Variants in CD247 observed in about 807,000 individuals in gnomAD.
CD247 encodes the protein T-cell surface glycoprotein CD3 zeta chain.
CD247 carries 13 observed loss-of-function variants against 30.0 expected under a neutral mutation model. The ratio of observed to expected loss-of-function variants is 0.43; its 90% confidence interval spans 0.28 to 0.69. CD247 has a LOEUF of 0.69. CD247 is among the 30% of genes least tolerant of loss of function. CD247 has a pLI of 0.16. For synonymous variants in CD247, 72 were observed against 80.0 expected (o/e 0.90, Z 0.53); for missense variants, 193 against 212.6 (o/e 0.91, Z 0.57).
chr1:167,450,922 AAAAAAGAAAAG>A (rs1208741630), intron 1 of CD247, among the ~76,000 whole-genome samples: 3 of 151,946 alleles, frequency 2.0e-5, no homozygotes, highest in South Asian at 2.1e-4. Context: ...AAAAAAAAAA[AAAAAAGAAAAG>A]AAAAGAAAAG....
intron 1 of CD247, among the ~76,000 whole-genome samples, chr1:167,490,601 C>A (rs1654406357): frequency 6.6e-6 from 1 of 151,294 alleles, no homozygotes; most frequent in African/African-American, 2.4e-5. Flanking sequence ...CCAGCCTGGG[C>A]AACAAGAGCG....
intron 1 of CD247, among the ~76,000 whole-genome samples, chr1:167,484,546 G>A (rs533272519): frequency 9.2e-5 from 14 of 152,358 alleles, no homozygotes; most frequent in African/African-American, 3.4e-4. Flanking sequence ...GGAGGCCAAG[G>A]CGGGCGGATC....
At chr1:167,498,106 G>C (rs1654770541) in intron 1 of CD247, among the ~76,000 whole-genome samples, 2 of 152,158 alleles carry the variant, frequency 1.3e-5, no homozygotes, top group African/African-American at 2.4e-5. Context: ...GTCCTGTTCT[G>C]TTGTGTCTCC....
chr1:167,483,466 T>C (rs937522518), intron 1 of CD247, among the ~76,000 whole-genome samples: 3 of 152,184 alleles, frequency 2.0e-5, no homozygotes, highest in African/African-American at 4.8e-5. Flanking sequence ...TGATATTTTG[T>C]TAAAAATTCA....
At chr1:167,514,137 T>C (rs1655502681) in intron 1 of CD247, among the ~76,000 whole-genome samples, 1 of 151,610 alleles carries the variant, frequency 6.6e-6, no homozygotes, top group African/African-American at 2.4e-5. Context: ...TATTTTATTT[T>C]ATTTTATTTA....
At chr1:167,470,964 T>A (rs1259427863) in intron 1 of CD247, among the ~76,000 whole-genome samples, 2 of 150,702 alleles carry the variant, frequency 1.3e-5, no homozygotes, top group African/African-American at 4.9e-5. Context: ...CTCCACCTCC[T>A]GGGTTCAAGC....
At chr1:167,434,630 G>T (rs563975640) in intron 5 of CD247, 5 of 379,732 alleles carry the variant, frequency 1.3e-5, no homozygotes, top group African/African-American at 6.3e-5. Flanking sequence ...GAAGACTTCA[G>T]CACCCAGGAC....
At chr1:167,474,369 G>A (rs1330048035) in intron 1 of CD247, among the ~76,000 whole-genome samples, 4 of 152,132 alleles carry the variant, frequency 2.6e-5, no homozygotes, top group African/African-American at 7.2e-5. Context: ...GGAGGGTAGC[G>A]GTAGTGGGGT....
chr1:167,513,628 T>C (rs1170249118), intron 1 of CD247, among the ~76,000 whole-genome samples: 1 of 152,236 alleles, frequency 6.6e-6, no homozygotes, highest in African/African-American at 2.4e-5. Context: ...AGTCTTTTGC[T>C]ACCTGATGCC....
At chr1:167,442,918 C>T (rs1265004184) in intron 1 of CD247, among the ~76,000 whole-genome samples, 6 of 152,184 alleles carry the variant, frequency 3.9e-5, no homozygotes, top group African/African-American at 1.4e-4. Flanking sequence ...ATAACCAGTC[C>T]AGGCCTGAAA....
chr1:167,453,295 T>A (rs545238294), intron 1 of CD247, among the ~76,000 whole-genome samples: 2 of 152,224 alleles, frequency 1.3e-5, no homozygotes, highest in Admixed American at 1.3e-4. Context: ...AGACTGAAGG[T>A]CAGGGAGGTG....
chr1:167,448,415 A>G (rs1652191340), intron 1 of CD247: 1 of 985,262 alleles, frequency 1.0e-6, no homozygotes, highest in African/African-American at 1.7e-5. Flanking sequence ...TTCTCCCAGG[A>G]TCGAACCATT....
At chr1:167,449,543 C>G (rs930404744) in intron 1 of CD247, among the ~76,000 whole-genome samples, 1 of 152,130 alleles carries the variant, frequency 6.6e-6, no homozygotes, top group Non-Finnish European at 1.5e-5. Context: ...GCCCATAATA[C>G]CACTTTCAAA....
rs538796777 is a variant in CD247 at position 167,491,234 on chromosome 1, C to A, written c.58+27174G>T. ...TGGGCGGAAAGGTAAAATGGTACAG[C>A]TGTTGTGGAAAACGGTTTGGTGGTT... On this transcript the variant is annotated intron_variant, in intron 1 of 7. Transcript: ENST00000362089. Among the ~76,000 whole-genome samples the A allele has an allele frequency of 2.0e-5, 3 of 152,280 alleles. No homozygotes were observed. In the East Asian group the frequency reaches 5.8e-4, roughly 29 times the overall value.
chr1:167,432,992 C>A lies in CD247; in HGVS notation c.429+32G>T, dbSNP rs748245937. 6.2e-6 allele frequency: 10 copies of A among 1,612,968 alleles called. No homozygotes were observed. The Middle Eastern group carries it at 6.6e-4, about 106-fold the overall frequency. On this transcript the variant is annotated intron_variant, in intron 7 of 7. Coordinates refer to ENST00000362089, the MANE Select transcript of CD247 (RefSeq NM_198053.3). Reference sequence around the variant, plus strand: ...ATCTTGCCCCTTGTCAGGTGGTGCCCCTTCCACTGAAGGGACGCCGGCAGC... The same window carrying A: ...ATCTTGCCCCTTGTCAGGTGGTGCCACTTCCACTGAAGGGACGCCGGCAGC...
intron 7 of CD247, among the ~76,000 whole-genome samples, chr1:167,432,322 A>G (rs944145): frequency 0.99 from 150,486 of 152,290 alleles, 74,380 homozygotes; most frequent in Middle Eastern, 1. Context: ...CCCCTGGTCC[A>G]GGGGCCAGGA....
At position 167,431,534 on chromosome 1, in the gene CD247, G is replaced by T; in HGVS notation, c.*147C>A. ...ACAACAGTCTGTGTGTGAAGGTTTG[G>T]AGCTAAATATAACCAAAGCATCCTG... On this transcript the variant is annotated 3_prime_UTR_variant, in exon 8 of 8. Transcript: ENST00000362089. 1.3e-6 allele frequency: 1 copy of T among 778,686 alleles called. No homozygotes were observed. The allele number at this position is 778,686 out of a possible 1,614,324, so 48.2% of individuals were successfully genotyped here. A position where few individuals can be genotyped will look rare whatever the true frequency, so the allele number is the denominator to read the frequency against.
chr1:167,443,958 A>G (rs1651955845), intron 1 of CD247, among the ~76,000 whole-genome samples: 1 of 152,162 alleles, frequency 6.6e-6, no homozygotes, highest in Admixed American at 6.5e-5. Context: ...TTACGCAATT[A>G]ATTAAATATT....
At chr1:167,483,363 A>G (rs541532321) in intron 1 of CD247, among the ~76,000 whole-genome samples, 144 of 152,226 alleles carry the variant, frequency 9.5e-4, no homozygotes, top group African/African-American at 3.2e-3. Context: ...CAGTGAAGAA[A>G]ATCAGGGCTC....
Sources: allele counts gnomAD v4.1 joint callset (sites outside exome capture counted in the v4.1 genomes callset), GRCh38; gene constraint gnomAD v4.1.1; transcripts MANE v1.5; gene names NCBI Gene and HGNC (gene_info 2026-07-23, HGNC 2026-07-21).